Variants in APEX2 observed in about 807,000 individuals in gnomAD.
APEX2 encodes apurinic/apyrimidinic endodeoxyribonuclease 2.
A neutral mutation model predicts 16.7 loss-of-function variants in APEX2; 4 were observed. That is an observed-to-expected ratio of 0.24 (90% CI 0.12 to 0.55). The LOEUF (loss-of-function observed/expected upper bound fraction) is 0.55. Among genes scored for constraint, APEX2 ranks in the 20% least tolerant of loss-of-function variants. APEX2 has a pLI of 0.94. For missense variants in APEX2, 357 were observed against 433.6 expected (o/e 0.82, Z 1.57); for synonymous variants, 181 against 166.9 (o/e 1.08, Z -0.65).
rs763461338 is a variant in APEX2, at chrX:55,004,997, C to T, written c.639+1129C>T. Among the ~76,000 whole-genome samples, 6 of 111,561 alleles carry T rather than the reference C, an allele frequency of 5.4e-5. No individual in the cohort carries two copies. In the South Asian group the frequency reaches 1.5e-3, roughly 28 times the overall value. On this transcript the variant is annotated intron_variant, in intron 5 of 5. Coordinates refer to ENST00000374987, the MANE Select transcript of APEX2 (RefSeq NM_014481.4). Reference sequence around the variant, plus strand: ...TCATCTTTTCTTGCCTTATGTCTCACGATGGGGGATCAGTGATTTATGCTG... The same window carrying T: ...TCATCTTTTCTTGCCTTATGTCTCATGATGGGGGATCAGTGATTTATGCTG...
At position 55,006,683 on chromosome X, in the gene APEX2, C is replaced by T. The variant is rs145122391; in HGVS notation, c.805C>T (p.His269Tyr). 457 of 1,165,491 alleles carry T rather than the reference C, an allele frequency of 3.9e-4. No homozygotes were observed. In the South Asian group the frequency reaches 5.5e-3, roughly 14 times the overall value. Residue 269 changes from histidine to tyrosine, a missense_variant, in exon 6 of 6, where the codon CAT (histidine) becomes TAT (tyrosine). Transcript: ENST00000374987. ...CTGGTCAGCAGTCACTGGCGCCCGC[C>T]ATCTCAACTATGGCTCCCGGCTTGA... ...TCWSAVTGAR[H>Y]LNYGSRLDYV... is the part of the protein sequence containing the mutation.
rs899677280 is a variant in APEX2 at position 55,007,642 on chromosome X, C to T, written c.*207C>T. ...CTTAATCCTGTGACCCAGCCCCTTACACCACTTTCCACCTTCCTGTCCGAA... is the reference window on the plus strand; with the variant it reads ...CTTAATCCTGTGACCCAGCCCCTTATACCACTTTCCACCTTCCTGTCCGAA... On this transcript the variant is annotated 3_prime_UTR_variant, in exon 6 of 6. Coordinates refer to ENST00000374987, the MANE Select transcript of APEX2 (RefSeq NM_014481.4). 3 of 361,784 alleles carry T rather than the reference C, an allele frequency of 8.3e-6. No individual in the cohort carries two copies. The highest frequency in any genetic ancestry group is 1.4e-5 in the Non-Finnish European group (3 of 216,810). 29.8% of individuals were successfully genotyped at this position (361,784 alleles called of 1,213,427 possible). A position where few individuals can be genotyped will look rare whatever the true frequency, so the allele number is the denominator to read the frequency against.
chrX:55,003,031 G>A lies in APEX2; in HGVS notation c.492G>A (p.Arg164=). 2 of 1,211,656 alleles carry A rather than the reference G, an allele frequency of 1.7e-6. No individual in the cohort carries two copies. Among genetic ancestry groups the A allele is most frequent in the Middle Eastern group, 2.3e-4 (1 of 4,354 alleles). ...ACTGCCCCCATGCGGACCCTGGGAGGCCTGAGCGGCTAGTCTTTAAGATGC... is the reference window on the plus strand; with the variant it reads ...ACTGCCCCCATGCGGACCCTGGGAGACCTGAGCGGCTAGTCTTTAAGATGC... ...NVYCPHADPG[R]PERLVFKMRF... is the part of the protein sequence containing the mutation. The change falls in exon 4 of 6, where the codon AGG becomes AGA. Residue 164 remains arginine, a synonymous_variant. Coordinates refer to ENST00000374987, the MANE Select transcript of APEX2 (RefSeq NM_014481.4).
chrX:55,003,072 TGCAAATCCGA>T lies in APEX2; in HGVS notation c.537_546del (p.Ile180LysfsTer10). On this transcript the variant is annotated frameshift_variant, in exon 4 of 6. Transcript: ENST00000374987. LOFTEE classifies it high-confidence loss of function. ...TTTAAGATGCGCTTCTATCGTTTGC[TGCAAATCCGA>T]GCAGAAGCCCTCCTGGCGGCAGGCA... 1 of 1,212,243 alleles carries T rather than the reference TGCAAATCCGA, an allele frequency of 8.2e-7. No individual in the cohort carries two copies. Among genetic ancestry groups the T allele is most frequent in the Non-Finnish European group, 1.1e-6 (1 of 895,585 alleles).
Position 55,000,426 on chromosome X carries a change from T to C in APEX2, c.4T>C (p.Leu2=), listed in dbSNP as rs760389136. ...GGAGGTGTTCCAGCCCTTTAAGATG[T>C]TGCGCGTGGTGAGCTGGAACATCAA... M[L]RVVSWNINGI... is the part of the protein sequence containing the mutation. Residue 2 remains leucine (L), a synonymous_variant, in exon 1 of 6, where the codon TTG becomes CTG. Coordinates refer to ENST00000374987, the MANE Select transcript of APEX2 (RefSeq NM_014481.4). The C allele has an allele frequency of 8.4e-7, 1 of 1,186,591 alleles. No homozygotes were observed.
chrX:55,006,123 G>T (rs1935494345), intron 5 of APEX2, among the ~76,000 whole-genome samples: 1 of 106,657 alleles, frequency 9.4e-6, no homozygotes, highest in Non-Finnish European at 1.9e-5. Context: ...GTGCCAGAGG[G>T]TTTAAAGGAA....
intron 5 of APEX2, among the ~76,000 whole-genome samples, chrX:55,004,979 T>C (rs1935484233): frequency 8.9e-6 from 1 of 111,790 alleles, no homozygotes; most frequent in Non-Finnish European, 1.9e-5. Flanking sequence ...CTCTCATCTT[T>C]TCTTGCCTTA....
At chrX:55,006,299 C>T (rs1384259329) in intron 5 of APEX2, among the ~76,000 whole-genome samples, 4 of 111,207 alleles carry the variant, frequency 3.6e-5, no homozygotes, top group Non-Finnish European at 7.5e-5. Context: ...AATGCAAGCT[C>T]GTGCAGAGGG....
chrX:55,007,176 C>T lies in APEX2; in HGVS notation c.1298C>T (p.Ala433Val). The change falls in exon 6 of 6, where the codon GCC becomes GTC. Residue 433 changes from alanine (A) to valine (V), a missense_variant. Coordinates refer to ENST00000374987, the MANE Select transcript of APEX2 (RefSeq NM_014481.4). Reference sequence around the variant, plus strand: ...AAGACTCCAGAAGAGAAGGCAGTGGCCAAAGTGGTGAAGGGGCAGGCCAAG... The same window carrying T: ...AAGACTCCAGAAGAGAAGGCAGTGGTCAAAGTGGTGAAGGGGCAGGCCAAG... ...TPKTPEEKAV[A>V]KVVKGQAKTS... The T allele has an allele frequency of 3.3e-6, 4 of 1,212,038 alleles. No homozygotes were observed. The highest frequency in any genetic ancestry group is 4.5e-6 in the Non-Finnish European group (4 of 895,566).
chrX:55,000,721 C>T lies in APEX2; in HGVS notation c.157+142C>T. On this transcript the variant is annotated intron_variant, in intron 1 of 5. Coordinates refer to ENST00000374987, the MANE Select transcript of APEX2 (RefSeq NM_014481.4). ...CCCAGGTCCCTTCCCTCTTAAACTT[C>T]CATTTCCCACCCTAGCTAGATCCCC... 5.9e-6 allele frequency: 4 copies of T among 676,251 alleles called. No homozygotes were observed. In the South Asian group the frequency reaches 1.1e-4, roughly 18 times the overall value. 55.7% of individuals were successfully genotyped at this position (676,251 alleles called of 1,213,427 possible). A position where few individuals can be genotyped will look rare whatever the true frequency, so the allele number is the denominator to read the frequency against.
In APEX2 at chrX:55,007,551, C is replaced by T. The variant is rs766565685; in HGVS notation, c.*116C>T. 2 of 826,033 alleles carry T rather than the reference C, an allele frequency of 2.4e-6. No homozygotes were observed. The highest frequency in any genetic ancestry group is 4.2e-5 in the African/African-American group (2 of 47,578). 68.1% of individuals were successfully genotyped at this position (826,033 alleles called of 1,213,427 possible). ...CTCAAAGTCTCCTACCCTTCTCTTC[C>T]TCTTTTAAGCCCTCTCTTCCTCGCT... On this transcript the variant is annotated 3_prime_UTR_variant, in exon 6 of 6. Transcript: ENST00000374987.
chrX:55,001,884 C>T (rs747767295), intron 2 of APEX2, among the ~76,000 whole-genome samples: 1 of 109,237 alleles, frequency 9.2e-6, no homozygotes, highest in South Asian at 3.8e-4. Flanking sequence ...AATCATGGCT[C>T]ATTTCCTAGC....
At chrX:55,000,953 T>G (rs146624187) in intron 1 of APEX2, among the ~76,000 whole-genome samples, 1,958 of 108,095 alleles carry the variant, frequency 0.018, 26 homozygotes, top group Non-Finnish European at 0.028. Flanking sequence ...CCACCCCATC[T>G]TTGACCCCAG....
At chrX:55,006,395 T>C in intron 5 of APEX2, 123 bp from the exon 6 acceptor site, 1 of 459,538 alleles carries the variant, frequency 2.2e-6, no homozygotes, top group East Asian at 4.3e-5. Context: ...CCTTGAGCAG[T>C]AGTCCTCTTG....
chrX:55,004,961 C>T (rs976088839), intron 5 of APEX2, among the ~76,000 whole-genome samples: 1 of 111,855 alleles, frequency 8.9e-6, no homozygotes, highest in African/African-American at 3.3e-5. Context: ...CTAGAATCCA[C>T]AAGCCAGCTC....
In APEX2 at chrX:55,002,417, A is replaced by G. The variant is rs2301417; in HGVS notation, c.408A>G (p.Thr136=). The change falls in exon 3 of 6, where the codon ACA becomes ACG. Residue 136 remains threonine (T), a synonymous_variant. Coordinates refer to ENST00000374987, the MANE Select transcript of APEX2 (RefSeq NM_014481.4). ...ALDSEGRALL[T]QHKIRTWEGK... The stretch of plus-strand genomic sequence containing the variant: ...ATAGTGAGGGCAGGGCCCTCCTCAC[A>G]CAGCATAAGATCCGGTAATAGCTCA... 3.2e-3 allele frequency: 3,786 copies of G among 1,194,571 alleles called. 131 individuals carry two copies. In the East Asian group the frequency reaches 0.1, roughly 32 times the overall value.
chrX:55,000,908 C>T (rs927164860), intron 1 of APEX2, among the ~76,000 whole-genome samples: 3 of 109,162 alleles, frequency 2.7e-5, no homozygotes, highest in Non-Finnish European at 5.7e-5. Context: ...CCCCCGAATT[C>T]TTCATCCCTG....
chrX:55,003,922 GCCAA>G, intron 5 of APEX2, 54 bp downstream of exon 5: 1 of 1,135,037 alleles, frequency 8.8e-7, no homozygotes, highest in Non-Finnish European at 1.2e-6. Context: ...TGTTTGTCCA[GCCAA>G]CCAACCCTGA....
chrX:55,002,460 G>C (rs1935456991), intron 3 of APEX2, 29 bp downstream of exon 3: 1 of 1,150,649 alleles, frequency 8.7e-7, no homozygotes, highest in Non-Finnish European at 1.2e-6. Context: ...CTGCTACTGA[G>C]CACTGCTGGT....
Sources: allele counts gnomAD v4.1 joint callset (sites outside exome capture counted in the v4.1 genomes callset), GRCh38; gene constraint gnomAD v4.1.1; transcripts MANE v1.5; gene names NCBI Gene and HGNC (gene_info 2026-07-23, HGNC 2026-07-21).